The following SFI1 variants were observed in gnomAD, a reference collection of about 807,000 sequenced individuals.
SFI1 encodes SFI1 centrin binding protein, also known as protein SFI1 homolog.
Under a neutral mutation model 207.5 loss-of-function variants are expected in SFI1, and 195 were observed. The observed-to-expected ratio is 0.94, with a 90% CI of 0.84 to 1.06. The LOEUF is 1.06. Among genes scored for constraint, SFI1 ranks in the 50% least tolerant of loss-of-function variants. SFI1 has a pLI of 0.00. For synonymous variants in SFI1, 630 were observed against 598.9 expected (o/e 1.05, Z -0.76); for missense variants, 1,634 against 1,588.0 (o/e 1.03, Z -0.49).
chr22:31,508,814 C>T (rs2146632768), intron 2 of SFI1, among the ~76,000 whole-genome samples: 1 of 152,138 alleles, frequency 6.6e-6, no homozygotes, highest in Admixed American at 6.6e-5. Flanking sequence ...GTAATTGTTC[C>T]CTCCCCTCAT....
chr22:31,534,474 T>C (rs1190478269), intron 4 of SFI1, among the ~76,000 whole-genome samples: 1 of 152,196 alleles, frequency 6.6e-6, no homozygotes, highest in Non-Finnish European at 1.5e-5. Flanking sequence ...ATAATTTTCC[T>C]TCTCCTATCA....
At chr22:31,614,759 C>T (rs768198160) in intron 27 of SFI1, 30 bp from the exon 28 acceptor site, 16 of 1,612,828 alleles carry the variant, frequency 9.9e-6, no homozygotes, top group Admixed American at 8.3e-5. Context: ...CTGGTCAGCC[C>T]AGGGGAACAG....
At chr22:31,558,214 A>G (rs1284512256) in intron 7 of SFI1, among the ~76,000 whole-genome samples, 3 of 152,326 alleles carry the variant, frequency 2.0e-5, no homozygotes, top group Non-Finnish European at 2.9e-5. Context: ...ATCAGTGGAC[A>G]TAAAGAAGTT....
chr22:31,532,974 A>G (rs2058665298), intron 4 of SFI1, among the ~76,000 whole-genome samples: 2 of 152,280 alleles, frequency 1.3e-5, no homozygotes, highest in African/African-American at 4.8e-5. Flanking sequence ...ATTGCACACA[A>G]GTGTAGTCAG....
chr22:31,514,360 T>C (rs2056147059), intron 2 of SFI1, among the ~76,000 whole-genome samples: 1 of 150,834 alleles, frequency 6.6e-6, no homozygotes, highest in Admixed American at 6.6e-5. Flanking sequence ...AAAAAAAAAT[T>C]AGCTGGGCGT....
At chr22:31,583,710 T>C (rs2064647204) in intron 12 of SFI1, among the ~76,000 whole-genome samples, 165 bp from the exon 13 acceptor site, 1 of 152,222 alleles carries the variant, frequency 6.6e-6, no homozygotes, top group African/African-American at 2.4e-5. Flanking sequence ...TGGCCCAGAA[T>C]AGCTCTATAG....
chr22:31,520,081 A>G (rs1161058227), intron 2 of SFI1, among the ~76,000 whole-genome samples: 1 of 151,876 alleles, frequency 6.6e-6, no homozygotes, highest in Non-Finnish European at 1.5e-5. Context: ...TTATTTACTG[A>G]TAAATATAAC....
At chr22:31,587,580 C>T (rs779336135) in intron 14 of SFI1, 1 of 160,108 alleles carries the variant, frequency 6.2e-6, no homozygotes, top group East Asian at 1.7e-4. Flanking sequence ...GCTGGGATTA[C>T]AGGCATGAGC....
At chr22:31,586,837 A>G (rs1037798612) in intron 14 of SFI1, among the ~76,000 whole-genome samples, 2 of 152,130 alleles carry the variant, frequency 1.3e-5, no homozygotes, top group Admixed American at 6.6e-5. Flanking sequence ...CATCTCTCAC[A>G]CTGATCTAGC....
chr22:31,596,311 A>G (rs903984329), intron 15 of SFI1, among the ~76,000 whole-genome samples: 2 of 152,018 alleles, frequency 1.3e-5, no homozygotes, highest in Non-Finnish European at 1.5e-5. Context: ...AGGGCTTTGA[A>G]TGCTAGTTTG....
In SFI1 at chr22:31,606,474, C is replaced by T. The variant is rs759224169; in HGVS notation, c.2157+44C>T. On this transcript the variant is annotated intron_variant, in intron 21 of 32. Transcript: ENST00000400288. ...AGCTGGTCACCCAGGAGAGTTGGGA[C>T]TGTGTTCTGGTGAGGGCGTGGGATG... The T allele has an allele frequency of 3.2e-6, 5 of 1,543,884 alleles. No homozygotes were observed. In the Admixed American group the frequency reaches 8.5e-5, roughly 26 times the overall value.
intron 15 of SFI1, among the ~76,000 whole-genome samples, chr22:31,592,756 C>G (rs1193152094): frequency 1.8e-5 from 2 of 110,348 alleles, no homozygotes; most frequent in Non-Finnish European, 3.7e-5. Context: ...TAGGGGCGGC[C>G]GGGCAGAGGC....
intron 7 of SFI1, chr22:31,559,810 T>G (rs1258897966): frequency 1.4e-6 from 1 of 709,506 alleles, no homozygotes; most frequent in African/African-American, 1.7e-5. Flanking sequence ...TCCGTGCAGA[T>G]GTGGAGCGAC....
intron 15 of SFI1, among the ~76,000 whole-genome samples, chr22:31,594,947 C>A (rs1367519686): frequency 3.3e-5 from 5 of 150,724 alleles, no homozygotes; most frequent in African/African-American, 4.9e-5. Context: ...ACAGCAGGTT[C>A]TTAGTATATG....
chr22:31,582,907 A>G (rs1364696713), intron 12 of SFI1, among the ~76,000 whole-genome samples: 2 of 152,112 alleles, frequency 1.3e-5, no homozygotes, highest in Non-Finnish European at 2.9e-5. Flanking sequence ...TATTTTGTTT[A>G]TACAATTTAT....
intron 8 of SFI1, 82 bp from the exon 9 acceptor site, chr22:31,572,976 C>G (rs1006912599): frequency 1.4e-6 from 2 of 1,416,164 alleles, no homozygotes; most frequent in Admixed American, 2.0e-5. Context: ...AGCGTGTGTG[C>G]CTTTCTCTTT....
chr22:31,505,056 A>G (rs1363598075), intron 1 of SFI1, among the ~76,000 whole-genome samples: 1 of 152,002 alleles, frequency 6.6e-6, no homozygotes, highest in Non-Finnish European at 1.5e-5. Flanking sequence ...TAAAAGAAAA[A>G]TAGTAATAAT....
At chr22:31,587,408 T>C in intron 14 of SFI1, 1 of 250,380 alleles carries the variant, frequency 4.0e-6, no homozygotes, top group South Asian at 4.1e-5. Context: ...GCTCAAGCGA[T>C]TCTCCTGCCT....
chr22:31,543,764 C>T (rs923177990), intron 4 of SFI1, among the ~76,000 whole-genome samples: 50 of 149,888 alleles, frequency 3.3e-4, no homozygotes, highest in Non-Finnish European at 5.3e-4. Flanking sequence ...GAGCCAAGAT[C>T]GCGCCACTGC....
Sources: allele counts gnomAD v4.1 joint callset (sites outside exome capture counted in the v4.1 genomes callset), GRCh38; gene constraint gnomAD v4.1.1; transcripts MANE v1.5; gene names NCBI Gene and HGNC (gene_info 2026-07-23, HGNC 2026-07-21).